VWF: variants seen among roughly 807,000 people sequenced by gnomAD.
VWF encodes the protein Factor VIII related antigen.
In VWF, 176 loss-of-function variants were observed where a neutral mutation model predicts 308.6. That is an observed-to-expected ratio of 0.57 (90% CI 0.50 to 0.65). The LOEUF (loss-of-function observed/expected upper bound fraction) is 0.65. VWF is among the 30% of genes least tolerant of loss of function. The pLI is 0.00. For synonymous variants in VWF, 1,385 were observed against 1,443.4 expected (o/e 0.96, Z 0.92); for missense variants, 3,146 against 3,648.2 (o/e 0.86, Z 3.55).
At chr12:6,094,901 T>TTTTTA (rs3063462) in intron 6 of VWF, among the ~76,000 whole-genome samples, 1 of 131,530 alleles carries the variant, frequency 7.6e-6, no homozygotes, top group Non-Finnish European at 1.5e-5. Flanking sequence ...TTTTTTTTTT[T>TTTTTA]GAGACAGAGT....
At chr12:6,099,795 G>GA (rs1224514343) in intron 5 of VWF, among the ~76,000 whole-genome samples, 1 of 152,046 alleles carries the variant, frequency 6.6e-6, no homozygotes, top group Non-Finnish European at 1.5e-5. Flanking sequence ...AACCCTAGAA[G>GA]AAAACCTAGG....
chr12:6,072,993 A>G (rs1383694560), intron 8 of VWF, among the ~76,000 whole-genome samples: 1 of 151,960 alleles, frequency 6.6e-6, no homozygotes, highest in East Asian at 1.9e-4. Context: ...CAGTTTCCCA[A>G]GTAGCTGGGA....
At chr12:6,088,091 G>C (rs755833108) in intron 6 of VWF, among the ~76,000 whole-genome samples, 2 of 152,190 alleles carry the variant, frequency 1.3e-5, no homozygotes, top group Admixed American at 6.5e-5. Flanking sequence ...TCATATGGTA[G>C]ACATTGTAGA....
chr12:6,018,276 C>G, intron 28 of VWF, 89 bp downstream of exon 28: 1 of 1,500,988 alleles, frequency 6.7e-7, no homozygotes, highest in East Asian at 2.5e-5. Flanking sequence ...GGATTAGAAC[C>G]CGAGTCGTAT....
At position 5,984,017 on chromosome 12, in the gene VWF, T is replaced by TAGAC. The variant is rs10579907; in HGVS notation, c.6977-767_6977-764dup. Reference sequence around the variant, plus strand: ...ATAGATAGATAGATAGATAGATAGATAGACAGACAGACAGACAGACAGATA... The same window carrying TAGAC: ...ATAGATAGATAGATAGATAGATAGATAGACAGACAGACAGACAGACAGACAGATA... On this transcript the variant is annotated intron_variant, in intron 40 of 51. Transcript: ENST00000261405. Among the ~76,000 whole-genome samples, 180 of 134,586 alleles carry TAGAC rather than the reference T, an allele frequency of 1.3e-3. 1 individual carries two copies. Among genetic ancestry groups the TAGAC allele is most frequent in the African/African-American group, 4.8e-3 (155 of 32,076 alleles). 88.3% of individuals were successfully genotyped at this position (134,586 alleles called of 152,430 possible).
chr12:6,119,844 T>C (rs1361977897), intron 3 of VWF, among the ~76,000 whole-genome samples: 1 of 152,096 alleles, frequency 6.6e-6, no homozygotes, highest in East Asian at 1.9e-4. Flanking sequence ...AGACTCCGTC[T>C]CAAAAATAAA....
rs776681874 is a variant in VWF, at chr12:5,949,181, A to G, written c.8276T>C (p.Met2759Thr). The G allele has an allele frequency of 3.4e-5, 55 of 1,614,078 alleles. No individual in the cohort carries two copies. The highest frequency in any genetic ancestry group is 4.5e-5 in the Non-Finnish European group (53 of 1,180,048). Residue 2759 changes from methionine to threonine, a missense_variant, in exon 52 of 52, where the codon ATG (methionine) becomes ACG (threonine). By Grantham distance (81) the Met-to-Thr change is moderately conservative. This residue lies in a region of VWF where 989 missense variants were observed against 1,117.4 expected (regional missense o/e 0.89). Transcript: ENST00000261405. ...CACATCGTTGATGTCAATGGAGTAC[A>G]TGGCTTTGCTGGCACATTTGCCCTG... Reference protein sequence around the residue: ...YCQGKCASKAMYSIDINDVQD... With the variant: ...YCQGKCASKATYSIDINDVQD...
Position 5,968,279 on chromosome 12 carries a change from ATCGG to A in VWF, c.7730-116_7730-113del, listed in dbSNP as rs1245860516. 6 of 1,351,540 alleles carry A rather than the reference ATCGG, an allele frequency of 4.4e-6. No homozygotes were observed. In the Admixed American group the frequency reaches 9.6e-5, roughly 22 times the overall value. 83.7% of individuals were successfully genotyped at this position (1,351,540 alleles called of 1,614,324 possible). On this transcript the variant is annotated intron_variant, in intron 45 of 51. Coordinates refer to ENST00000261405, the MANE Select transcript of VWF (RefSeq NM_000552.5). The stretch of plus-strand genomic sequence containing the variant: ...CTCCGTGTCTGGGCCTCCCTCCTGT[ATCGG>A]TCGGCCCTTTCCCCCCACCCCACAA...
intron 5 of VWF, among the ~76,000 whole-genome samples, chr12:6,103,017 G>C (rs1371024295): frequency 6.6e-6 from 1 of 151,938 alleles, no homozygotes; most frequent in African/African-American, 2.4e-5. Flanking sequence ...AAACAGTATG[G>C]TACTGGTATA....
chr12:5,958,242 T>C (rs1199680146), intron 47 of VWF, among the ~76,000 whole-genome samples: 1 of 152,226 alleles, frequency 6.6e-6, no homozygotes, highest in Non-Finnish European at 1.5e-5. Flanking sequence ...AATAATTACA[T>C]TAAATGGAGA....
At chr12:6,049,271 G>A (rs1944481330) in intron 16 of VWF, among the ~76,000 whole-genome samples, 1 of 152,190 alleles carries the variant, frequency 6.6e-6, no homozygotes, top group Admixed American at 6.5e-5. Context: ...TCTAAATGAA[G>A]TGGAAAGACA....
In VWF at chr12:6,011,792, G is replaced by C. The variant is rs56981471; in HGVS notation, c.5667C>G (p.Pro1889=). The C allele has an allele frequency of 6.2e-7, 1 of 1,609,292 alleles. No homozygotes were observed. The highest frequency in any genetic ancestry group is 2.2e-5 in the East Asian group (1 of 44,818). The change falls in exon 34 of 52, where the codon CCC becomes CCG. Residue 1889 remains proline (P), a splice_region_variant and synonymous_variant. Coordinates refer to ENST00000261405, the MANE Select transcript of VWF (RefSeq NM_000552.5). The part of the protein sequence containing the change: ...CMDEDGNEKR[P]GDVWTLPDQC... ...GGTCTGGCAAGGTCCAGACGTCCCCGGGCTGCAGAAGAAAACAGCAGATTC... is the reference window on the plus strand; with the variant it reads ...GGTCTGGCAAGGTCCAGACGTCCCCCGGCTGCAGAAGAAAACAGCAGATTC...
At chr12:5,964,114 G>A (rs1436651811) in intron 47 of VWF, among the ~76,000 whole-genome samples, 2 of 152,044 alleles carry the variant, frequency 1.3e-5, no homozygotes, top group Non-Finnish European at 2.9e-5. Context: ...CTACTCAGGA[G>A]GCTGAGGCAG....
chr12:5,999,965 CA>C (rs199554272), intron 34 of VWF, among the ~76,000 whole-genome samples: 19 of 142,856 alleles, frequency 1.3e-4, no homozygotes, highest in East Asian at 6.1e-4. Context: ...CAGAGAAAAG[CA>C]AAAAAAAACC....
chr12:5,960,270 A>G (rs1465261577), intron 47 of VWF, among the ~76,000 whole-genome samples: 1 of 151,926 alleles, frequency 6.6e-6, no homozygotes, highest in African/African-American at 2.4e-5. Context: ...CAACTTAAAT[A>G]CACGGATAAG....
In VWF at chr12:6,018,992, C is replaced by T; in HGVS notation, c.4426G>A (p.Val1476Ile). ...CCCAAGAGCCCCGGGCCCACAGTGA[C>T]TTGTGCCATGTCGGGGGGCAGAGTA... ...PPTLPPDMAQ[V>I]TVGPGLLGVS... Residue 1476 changes from valine to isoleucine, a missense_variant, in exon 28 of 52, where the codon GTC becomes ATC. By Grantham distance (29) the Val-to-Ile change is conservative. Around this residue, in one of 3 missense-constraint regions of VWF, gnomAD observed 853 missense variants for 1,177.8 expected, o/e 0.72. Transcript: ENST00000261405. 6.2e-7 allele frequency: 1 copy of T among 1,613,936 alleles called. No homozygotes were observed. The highest frequency in any genetic ancestry group is 8.5e-7 in the Non-Finnish European group (1 of 1,179,878).
At chr12:5,979,805 G>A (rs1943574978) in intron 42 of VWF, among the ~76,000 whole-genome samples, 1 of 151,276 alleles carries the variant, frequency 6.6e-6, no homozygotes, top group African/African-American at 2.4e-5. Context: ...ACCTTGGGAG[G>A]CAGAGGCGGG....
At chr12:5,957,976 G>A (rs941922096) in intron 47 of VWF, among the ~76,000 whole-genome samples, 7 of 151,916 alleles carry the variant, frequency 4.6e-5, no homozygotes, top group African/African-American at 1.7e-4. Flanking sequence ...TACAAATTAT[G>A]GAAAAAGTAC....
intron 38 of VWF, among the ~76,000 whole-genome samples, chr12:5,987,526 T>A (rs1943692293): frequency 6.6e-6 from 1 of 152,208 alleles, no homozygotes; most frequent in African/African-American, 2.4e-5. Context: ...GTGCCCATCG[T>A]GGGCAGGTCT....
Sources: gnomAD v4.1 joint callset for allele counts (sites outside exome capture counted in the v4.1 genomes callset) on GRCh38, gnomAD v4.1.1 for gene constraint, gnomAD v4.1.1 regional missense constraint, MANE v1.5 for transcripts, NCBI Gene and HGNC (gene_info 2026-07-23, HGNC 2026-07-21) for gene names.